CEP295: variants seen among roughly 807,000 people sequenced by gnomAD.
The protein encoded by CEP295 is centrosomal protein 295, also known as centrosomal protein of 295 kDa.
Under a neutral mutation model 291.6 loss-of-function variants are expected in CEP295, and 190 were observed. The observed-to-expected ratio is 0.65, with a 90% CI of 0.58 to 0.73. CEP295 has a LOEUF of 0.73. Among genes scored for constraint, CEP295 ranks in the 30% least tolerant of loss-of-function variants. The pLI, the probability that CEP295 is intolerant of heterozygous loss-of-function variation, is 0.00. For missense variants in CEP295, 2,863 were observed against 2,949.4 expected, an observed-to-expected ratio of 0.97 and a Z score of 0.68; for synonymous variants, 993 against 1,038.8, an observed-to-expected ratio of 0.96 and a Z score of 0.85.
At chr11:93,675,207 G>A (rs905445555) in intron 5 of CEP295, among the ~76,000 whole-genome samples, 2 of 152,224 alleles carry the variant, frequency 1.3e-5, no homozygotes, top group East Asian at 1.9e-4. Flanking sequence ...ACATAGTAGT[G>A]CATGTTGTTG....
Position 93,697,805 on chromosome 11 carries a change from C to T in CEP295, c.2893C>T (p.Gln965Ter). ...GTTGAATATTCAGAAGGATAGCCTTCAGGCTAGGCGAGAAGCCCAGGAAGT... is the reference window on the plus strand; with the variant it reads ...GTTGAATATTCAGAAGGATAGCCTTTAGGCTAGGCGAGAAGCCCAGGAAGT... ...EQLNIQKDSLQARREAQEVLY... is the reference protein window; with the variant it reads ...EQLNIQKDSL Residue 965 changes from glutamine (Q) to a stop codon, truncating the protein, a stop_gained, in exon 15 of 30, where the codon CAG (glutamine) becomes TAG (stop). Coordinates refer to ENST00000325212, the MANE Select transcript of CEP295 (RefSeq NM_033395.2). LOFTEE classifies it high-confidence loss of function. The T allele has an allele frequency of 1.3e-6, 2 of 1,551,756 alleles. No homozygotes were observed. The highest frequency in any genetic ancestry group is 1.7e-6 in the Non-Finnish European group (2 of 1,146,988).
Position 93,699,709 on chromosome 11 carries a change from G to T in CEP295, c.4797G>T (p.Gln1599His), listed in dbSNP as rs1388402468. The T allele has an allele frequency of 3.2e-6, 5 of 1,551,636 alleles. No homozygotes were observed. In the Admixed American group the frequency reaches 7.8e-5, roughly 24 times the overall value. ...GTTTATCAAAGCCTATTCTGCCTCA[G>T]CAAGATAATATGACAGCACAATTGG... Reference protein sequence around the residue: ...LLSLSKPILPQQDNMTAQLDA... With the variant: ...LLSLSKPILPHQDNMTAQLDA... Residue 1599 changes from glutamine (Q) to histidine (H), a missense_variant, in exon 15 of 30, where the codon CAG becomes CAT. Coordinates refer to ENST00000325212, the MANE Select transcript of CEP295 (RefSeq NM_033395.2).
rs562240573 is a variant in CEP295, at chr11:93,695,599, G to A, written c.1636G>A (p.Glu546Lys). 2.0e-6 allele frequency: 3 copies of A among 1,490,388 alleles called. No individual in the cohort carries two copies. The highest frequency in any genetic ancestry group is 5.3e-5 in the East Asian group (2 of 37,884). 92.3% of individuals were successfully genotyped at this position (1,490,388 alleles called of 1,614,324 possible). Residue 546 changes from glutamate (E) to lysine (K), a missense_variant, in exon 13 of 30, where the codon GAA becomes AAA. This residue lies in a region of CEP295 where 2,295 missense variants were observed against 2,335.7 expected (regional missense o/e 0.98). Coordinates refer to ENST00000325212, the MANE Select transcript of CEP295 (RefSeq NM_033395.2). ...LETDCFRAQL[E>K]EEKRKKTQPT... ...AACTGACTGCTTCAGGGCTCAGCTG[G>A]AAGAAGAAAAAAGAAAAAAAACTCA...
At position 93,696,875 on chromosome 11, in the gene CEP295, C is replaced by T; in HGVS notation, c.1963C>T (p.Pro655Ser). 5 of 1,551,784 alleles carry T rather than the reference C, an allele frequency of 3.2e-6. No homozygotes were observed. Among genetic ancestry groups the T allele is most frequent in the Non-Finnish European group, 4.4e-6 (5 of 1,146,956 alleles). The change falls in exon 15 of 30, where the codon CCT (proline) becomes TCT (serine). Residue 655 changes from proline (P) to serine (S), a missense_variant. By Grantham distance (74) the Pro-to-Ser change is moderately conservative (BLOSUM62 -1). This residue lies in a region of CEP295 where 2,295 missense variants were observed against 2,335.7 expected (regional missense o/e 0.98). Coordinates refer to ENST00000325212, the MANE Select transcript of CEP295 (RefSeq NM_033395.2). ...WDQGQRLKLS[P>S]NKYQPIQPIQ... ...TCAAGGTCAGAGACTCAAGTTGAGT[C>T]CTAACAAATACCAACCCATACAACC...
intron 18 of CEP295, among the ~76,000 whole-genome samples, chr11:93,708,934 A>G (rs1400260284): frequency 2.0e-5 from 3 of 152,126 alleles, no homozygotes; most frequent in Admixed American, 1.3e-4. Flanking sequence ...CCTGTTTGCC[A>G]TTTGTATTTC....
intron 9 of CEP295, among the ~76,000 whole-genome samples, chr11:93,684,708 T>G (rs545024004): frequency 5.9e-4 from 90 of 152,246 alleles, no homozygotes; most frequent in Non-Finnish European, 1.2e-3. Flanking sequence ...GCAGTTCTTC[T>G]GTCCAGCCTG....
Position 93,727,396 on chromosome 11 carries a change from G to T in CEP295, c.6920G>T (p.Cys2307Phe). 6.4e-7 allele frequency: 1 copy of T among 1,551,548 alleles called. No homozygotes were observed. ...ATTGAAGATAATAAAAATGAAACCT[G>T]TAGGGTTTTAGACATAAATCCACAG... The part of the protein sequence containing the change: ...GLIEDNKNET[C>F]RVLDINPQVE... Residue 2307 changes from cysteine (C) to phenylalanine (F), a missense_variant, in exon 24 of 30, where the codon TGT (cysteine) becomes TTT (phenylalanine). Transcript: ENST00000325212.
At chr11:93,712,376 C>G (rs1016273260) in intron 18 of CEP295, among the ~76,000 whole-genome samples, 1 of 152,168 alleles carries the variant, frequency 6.6e-6, no homozygotes, top group Non-Finnish European at 1.5e-5. Flanking sequence ...GCTTCAGCCT[C>G]CCAAGTAGCT....
At chr11:93,712,659 G>A (rs1952983858) in intron 18 of CEP295, among the ~76,000 whole-genome samples, 1 of 152,142 alleles carries the variant, frequency 6.6e-6, no homozygotes, top group Non-Finnish European at 1.5e-5. Flanking sequence ...CTTTATAGGT[G>A]AAGTGTATTT....
intron 18 of CEP295, among the ~76,000 whole-genome samples, chr11:93,709,308 G>C (rs754557881): frequency 3.3e-5 from 5 of 151,996 alleles, no homozygotes; most frequent in African/African-American, 4.8e-5. Context: ...AATCCATTTT[G>C]GTTTGATTTT....
chr11:93,716,615 A>C (rs1402845161), intron 18 of CEP295, among the ~76,000 whole-genome samples: 1 of 152,230 alleles, frequency 6.6e-6, no homozygotes, highest in Non-Finnish European at 1.5e-5. Flanking sequence ...GCGCAGAACA[A>C]AGACAGTACT....
chr11:93,685,883 G>A (rs1951209432), intron 9 of CEP295, among the ~76,000 whole-genome samples: 1 of 151,954 alleles, frequency 6.6e-6, no homozygotes, highest in Non-Finnish European at 1.5e-5. Flanking sequence ...GCTAATTTTT[G>A]TATTTTTAGC....
At chr11:93,690,588 C>T (rs1473198647) in intron 10 of CEP295, among the ~76,000 whole-genome samples, 1 of 147,260 alleles carries the variant, frequency 6.8e-6, no homozygotes, top group Non-Finnish European at 1.5e-5. Context: ...AAAAGTGAGC[C>T]AGGCGTGGTG....
rs56969423 is a variant in CEP295, at chr11:93,712,856, TTTGTTG to T, written c.5749+5992_5749+5997del. On this transcript the variant is annotated intron_variant, in intron 18 of 29. Coordinates refer to ENST00000325212, the MANE Select transcript of CEP295 (RefSeq NM_033395.2). Reference sequence around the variant, plus strand: ...CTCTTCCTACTTTTCTTTCTTCTGTTTTGTTGTTGTTGTTGTTGTTGTTGTTGTTGT... The same window carrying T: ...CTCTTCCTACTTTTCTTTCTTCTGTTTTGTTGTTGTTGTTGTTGTTGTTGT... Among the ~76,000 whole-genome samples the T allele has an allele frequency of 6.3e-3, 937 of 148,800 alleles. 18 individuals are homozygous for T. In the East Asian group the frequency reaches 0.064, roughly 10 times the overall value.
chr11:93,671,442 C>T (rs117037102), intron 5 of CEP295, among the ~76,000 whole-genome samples: 2,266 of 152,228 alleles, frequency 0.015, 33 homozygotes, highest in Non-Finnish European at 0.023. Flanking sequence ...TTTCTTGCGT[C>T]CCCGTGACTC....
chr11:93,667,857 A>G (rs778383651), intron 3 of CEP295, 50 bp downstream of exon 3: 1 of 1,248,422 alleles, frequency 8.0e-7, no homozygotes, highest in East Asian at 2.6e-5. Flanking sequence ...ATATTAGTAA[A>G]AAGTAAATTA....
chr11:93,682,898 T>C (rs1293066381), intron 7 of CEP295, among the ~76,000 whole-genome samples: 2 of 152,228 alleles, frequency 1.3e-5, no homozygotes, highest in Non-Finnish European at 2.9e-5. Context: ...CACTTTTGTC[T>C]GGCTAAATCC....
chr11:93,702,534 A>C lies in CEP295; in HGVS notation c.5349A>C (p.Thr1783=). 1 of 1,551,240 alleles carries C rather than the reference A, an allele frequency of 6.4e-7. No individual in the cohort carries two copies. Among genetic ancestry groups the C allele is most frequent in the Non-Finnish European group, 8.7e-7 (1 of 1,146,704 alleles). The change falls in exon 16 of 30, where the codon ACA becomes ACC. Residue 1783 remains threonine, a synonymous_variant. Coordinates refer to ENST00000325212, the MANE Select transcript of CEP295 (RefSeq NM_033395.2). ...AGCTCAGAGACTGGTTTCCTAATAC[A>C]CAAGACCTAGCAGGAAATGATCAAG... The part of the protein sequence containing the change: ...MGQLRDWFPN[T]QDLAGNDQEN...
intron 10 of CEP295, among the ~76,000 whole-genome samples, chr11:93,691,365 T>C (rs1221096282): frequency 6.6e-6 from 1 of 152,260 alleles, no homozygotes; most frequent in Non-Finnish European, 1.5e-5. Context: ...GACATTTTGT[T>C]AGCTTCTCCT....
Sources: allele counts gnomAD v4.1 joint callset (sites outside exome capture counted in the v4.1 genomes callset), GRCh38; gene constraint gnomAD v4.1.1; regional missense constraint gnomAD v4.1.1; transcripts MANE v1.5; gene names NCBI Gene and HGNC (gene_info 2026-07-23, HGNC 2026-07-21).